ARHGAP12: variants seen among roughly 807,000 people sequenced by gnomAD.
ARHGAP12 encodes the protein Rho GTPase activating protein 12.
In ARHGAP12, 64 loss-of-function variants were observed where a neutral mutation model predicts 108.6. That is an observed-to-expected ratio of 0.59 (90% CI 0.48 to 0.73). The LOEUF is 0.73. Ranked by LOEUF, ARHGAP12 falls within the 30% of genes least tolerant of loss-of-function variation. The pLI is 0.00. For synonymous variants in ARHGAP12, 312 were observed against 337.2 expected (o/e 0.93, Z 0.82); for missense variants, 940 against 1,005.9 (o/e 0.93, Z 0.89).
chr10:31,836,940 A>G (rs971703894), intron 9 of ARHGAP12, among the ~76,000 whole-genome samples: 4 of 152,124 alleles, frequency 2.6e-5, no homozygotes, highest in Admixed American at 2.6e-4. Flanking sequence ...TTTTTCACCT[A>G]AAGGTAAAAA....
chr10:31,881,854 A>T (rs943286317), intron 3 of ARHGAP12, among the ~76,000 whole-genome samples: 1 of 152,154 alleles, frequency 6.6e-6, no homozygotes, highest in Non-Finnish European at 1.5e-5. Flanking sequence ...GTGTTCACAG[A>T]ATAGGAGAAA....
chr10:31,849,818 A>AT (rs1836605149), intron 6 of ARHGAP12, among the ~76,000 whole-genome samples: 1 of 152,214 alleles, frequency 6.6e-6, no homozygotes, highest in East Asian at 1.9e-4. Flanking sequence ...CTGCTGTAAA[A>AT]TACCCTTTGA....
At chr10:31,875,168 TAAAAAG>T (rs1837684352) in intron 3 of ARHGAP12, among the ~76,000 whole-genome samples, 1 of 151,810 alleles carries the variant, frequency 6.6e-6, no homozygotes, top group African/African-American at 2.4e-5. Flanking sequence ...GAAATGAGAT[TAAAAAG>T]AAAAAAATGC....
intron 3 of ARHGAP12, among the ~76,000 whole-genome samples, chr10:31,899,332 A>C (rs1368256084): frequency 6.6e-6 from 1 of 152,250 alleles, no homozygotes; most frequent in Non-Finnish European, 1.5e-5. Context: ...TGTAGATTCA[A>C]TCCAATTCCA....
chr10:31,881,498 A>G (rs1243386188), intron 3 of ARHGAP12, among the ~76,000 whole-genome samples: 2 of 152,260 alleles, frequency 1.3e-5, no homozygotes, highest in Admixed American at 6.5e-5. Context: ...AGAAGTCCAC[A>G]AAGTTTTGAA....
intron 1 of ARHGAP12, among the ~76,000 whole-genome samples, chr10:31,926,402 C>T (rs1840048537): frequency 6.6e-6 from 1 of 151,818 alleles, no homozygotes; most frequent in Non-Finnish European, 1.5e-5. Context: ...TCTGAAAAGC[C>T]CGATTTGAAG....
intron 16 of ARHGAP12, among the ~76,000 whole-genome samples, chr10:31,810,119 T>A (rs1197735600): frequency 6.6e-6 from 1 of 152,206 alleles, no homozygotes; most frequent in Non-Finnish European, 1.5e-5. Context: ...TATACTAATG[T>A]ATATAAAACT....
intron 3 of ARHGAP12, among the ~76,000 whole-genome samples, chr10:31,882,029 C>T (rs1020334574): frequency 6.6e-6 from 1 of 151,176 alleles, no homozygotes; most frequent in African/African-American, 2.4e-5. Context: ...ATTCTCCTGC[C>T]TCAGCCTCCC....
At position 31,861,619 on chromosome 10, in the gene ARHGAP12, C is replaced by T; in HGVS notation, c.724G>A (p.Val242Ile). 1 of 1,611,448 alleles carries T rather than the reference C, an allele frequency of 6.2e-7. No individual in the cohort carries two copies. Among genetic ancestry groups the T allele is most frequent in the Non-Finnish European group, 8.5e-7 (1 of 1,179,200 alleles). ...TTCAGTTCTTGAAGGTTAGCATAGA[C>T]AGGAGAATCTGGCCTTCCTTGATTT... ...PPNQGRPDSP[V>I]YANLQELKIS... Residue 242 changes from valine to isoleucine, a missense_variant, in exon 4 of 20, where the codon GTC becomes ATC. Val to Ile is a conservative substitution (Grantham distance 29). Transcript: ENST00000344936.
chr10:31,867,842 C>A (rs1229016258), intron 3 of ARHGAP12, among the ~76,000 whole-genome samples: 1 of 151,800 alleles, frequency 6.6e-6, no homozygotes, highest in African/African-American at 2.4e-5. Flanking sequence ...CAAATCATGA[C>A]TCAACAGATG....
chr10:31,816,606 A>T (rs1835214235), intron 13 of ARHGAP12, among the ~76,000 whole-genome samples: 1 of 152,210 alleles, frequency 6.6e-6, no homozygotes, highest in Non-Finnish European at 1.5e-5. Flanking sequence ...GTAAAATAGA[A>T]GGTGCATTTT....
At chr10:31,920,749 G>C (rs143033403) in intron 1 of ARHGAP12, among the ~76,000 whole-genome samples, 284 of 152,278 alleles carry the variant, frequency 1.9e-3, no homozygotes, top group African/African-American at 6.6e-3. Context: ...CATAGTGTTA[G>C]TGAGAGTGCT....
At chr10:31,812,218 A>C (rs888617599) in intron 15 of ARHGAP12, among the ~76,000 whole-genome samples, 1 of 152,172 alleles carries the variant, frequency 6.6e-6, no homozygotes, top group Admixed American at 6.5e-5. Context: ...TCCTATAAAA[A>C]AAAGATTGTT....
chr10:31,832,305 C>T (rs1835862967), intron 9 of ARHGAP12, among the ~76,000 whole-genome samples: 1 of 152,128 alleles, frequency 6.6e-6, no homozygotes, highest in African/African-American at 2.4e-5. Flanking sequence ...GTATCATGTA[C>T]AGAACTTGCC....
chr10:31,840,873 T>C (rs917160622), intron 7 of ARHGAP12, among the ~76,000 whole-genome samples: 1 of 152,108 alleles, frequency 6.6e-6, no homozygotes, highest in Non-Finnish European at 1.5e-5. Context: ...AATATTAAAA[T>C]CACATTGAAT....
intron 4 of ARHGAP12, among the ~76,000 whole-genome samples, chr10:31,857,512 C>T (rs907398627): frequency 6.6e-6 from 1 of 151,926 alleles, no homozygotes; most frequent in Non-Finnish European, 1.5e-5. Flanking sequence ...AATATGGGGG[C>T]GAGCCTATAT....
chr10:31,890,045 C>T (rs1256985455), intron 3 of ARHGAP12, among the ~76,000 whole-genome samples: 1 of 152,024 alleles, frequency 6.6e-6, no homozygotes, highest in East Asian at 1.9e-4. Flanking sequence ...TAATATTGTA[C>T]CAAGTACCTC....
At chr10:31,821,491 T>C (rs1235074580) in intron 11 of ARHGAP12, among the ~76,000 whole-genome samples, 1 of 152,206 alleles carries the variant, frequency 6.6e-6, no homozygotes, top group Non-Finnish European at 1.5e-5. Context: ...AAATCTGTTA[T>C]AAATATTTCC....
intron 12 of ARHGAP12, among the ~76,000 whole-genome samples, chr10:31,818,786 G>A (rs1835303198): frequency 6.6e-6 from 1 of 152,142 alleles, no homozygotes; most frequent in South Asian, 2.1e-4. Flanking sequence ...AGATGTCACA[G>A]GCTTTTGATA....
Sources: allele counts gnomAD v4.1 joint callset (sites outside exome capture counted in the v4.1 genomes callset), GRCh38; gene constraint gnomAD v4.1.1; transcripts MANE v1.5; gene names NCBI Gene and HGNC (gene_info 2026-07-23, HGNC 2026-07-21).